The following TRDN variants were observed in gnomAD, a reference collection of about 807,000 sequenced individuals.
TRDN encodes the protein triadin.
Under a neutral mutation model 149.7 loss-of-function variants are expected in TRDN, and 161 were observed. The ratio of observed to expected loss-of-function variants is 1.08; its 90% CI spans 0.95 to 1.23. The LOEUF is 1.23. Among genes scored for constraint, TRDN ranks in the 50% most tolerant of loss-of-function variants. TRDN has a pLI of 0.00. For missense variants in TRDN, 896 were observed against 823.5 expected (o/e 1.09, Z -1.08); for synonymous variants, 294 against 250.5 (o/e 1.17, Z -1.64).
chr6:123,530,091 A>C (rs1214361691), intron 5 of TRDN, among the ~76,000 whole-genome samples: 1 of 151,912 alleles, frequency 6.6e-6, no homozygotes, highest in Admixed American at 6.6e-5. Context: ...GAGGTCATAT[A>C]ATGACTCTGC....
chr6:123,526,875 C>T (rs1779977152), intron 5 of TRDN, among the ~76,000 whole-genome samples: 1 of 151,886 alleles, frequency 6.6e-6, no homozygotes, highest in Non-Finnish European at 1.5e-5. Flanking sequence ...CTGTAAGGGA[C>T]TCTCATCCAG....
chr6:123,338,143 T>C (rs1454956599), intron 21 of TRDN, among the ~76,000 whole-genome samples: 6 of 152,180 alleles, frequency 3.9e-5, no homozygotes, highest in Non-Finnish European at 7.3e-5. Context: ...ATCTATGCTC[T>C]CAAGCACATA....
intron 1 of TRDN, among the ~76,000 whole-genome samples, chr6:123,633,365 A>T (rs887014967): frequency 1.3e-5 from 2 of 152,094 alleles, no homozygotes; most frequent in Non-Finnish European, 2.9e-5. Flanking sequence ...AGTCTCACAC[A>T]GTAAGAAGAC....
At chr6:123,327,128 T>C (rs1779486467) in intron 23 of TRDN, among the ~76,000 whole-genome samples, 2 of 152,042 alleles carry the variant, frequency 1.3e-5, no homozygotes, top group East Asian at 1.9e-4. Context: ...GAGAAACAAG[T>C]GTGGTTTTCC....
chr6:123,392,394 T>C (rs1470024496), intron 13 of TRDN, among the ~76,000 whole-genome samples: 6 of 151,982 alleles, frequency 3.9e-5, no homozygotes, highest in Admixed American at 3.9e-4. Context: ...ACATCTACAC[T>C]ATGGTCCTCA....
At chr6:123,614,309 A>C (rs1428706789) in intron 1 of TRDN, among the ~76,000 whole-genome samples, 25 of 146,662 alleles carry the variant, frequency 1.7e-4, no homozygotes, top group African/African-American at 6.0e-4. Flanking sequence ...ACAAAAAAAA[A>C]AAAAACAAAA....
intron 2 of TRDN, among the ~76,000 whole-genome samples, chr6:123,555,666 C>T (rs1398483106): frequency 6.6e-6 from 1 of 152,132 alleles, no homozygotes; most frequent in East Asian, 1.9e-4. Flanking sequence ...AACCATGTTC[C>T]AAAAATAGAT....
rs1782400411 is a variant in TRDN at position 123,568,438 on chromosome 6, C to T, written c.232+2485G>A. 2.0e-5 allele frequency among the ~76,000 whole-genome samples: 3 copies of T among 152,224 alleles called. No individual in the cohort carries two copies. In the South Asian group the frequency reaches 6.2e-4, roughly 31 times the overall value. On this transcript the variant is annotated intron_variant, in intron 2 of 40. Coordinates refer to ENST00000334268, the MANE Select transcript of TRDN (RefSeq NM_006073.4). ...TGTGTGGGTGGGTCCTCCAAACACA[C>T]ATTTCCCCTCTGCACTGCCCTAATA...
chr6:123,272,842 A>G, intron 29 of TRDN, 122 bp downstream of exon 29: 7 of 750,772 alleles, frequency 9.3e-6, no homozygotes, highest in Non-Finnish European at 1.3e-5. Flanking sequence ...ATGGTCTAGA[A>G]GCTTATGACT....
chr6:123,520,493 T>C (rs1013121684), intron 5 of TRDN, among the ~76,000 whole-genome samples: 2 of 152,130 alleles, frequency 1.3e-5, no homozygotes, highest in Admixed American at 1.3e-4. Context: ...TAAGCCAAAA[T>C]GTGCTGACCG....
intron 37 of TRDN, among the ~76,000 whole-genome samples, chr6:123,253,247 C>G (rs1026002736): frequency 6.6e-6 from 1 of 151,962 alleles, no homozygotes; most frequent in Non-Finnish European, 1.5e-5. Context: ...CTAGAGCAGA[C>G]ATTCTAATTT....
At chr6:123,556,096 A>C (rs898783588) in intron 2 of TRDN, among the ~76,000 whole-genome samples, 1 of 152,202 alleles carries the variant, frequency 6.6e-6, no homozygotes, top group African/African-American at 2.4e-5. Flanking sequence ...AAAATAAATC[A>C]TGAGATGCTT....
At chr6:123,304,547 C>T (rs9482378) in intron 24 of TRDN, among the ~76,000 whole-genome samples, 21,714 of 151,930 alleles carry the variant, frequency 0.14, 1,803 homozygotes, top group African/African-American at 0.22. Context: ...ACACTGCGCC[C>T]GGCTTAATTT....
chr6:123,497,303 AT>A, intron 8 of TRDN, 51 bp from the exon 9 acceptor site: 1 of 1,247,102 alleles, frequency 8.0e-7, no homozygotes, highest in South Asian at 1.6e-5. Flanking sequence ...TCAACACTTC[AT>A]TTTTCTACAG....
intron 24 of TRDN, 85 bp from the exon 25 acceptor site, chr6:123,279,167 G>T: frequency 1.8e-6 from 2 of 1,130,760 alleles, no homozygotes; most frequent in Non-Finnish European, 2.5e-6. Flanking sequence ...TAATATATTT[G>T]AAAATAAAAA....
chr6:123,446,955 T>C (rs1309739880), intron 10 of TRDN, among the ~76,000 whole-genome samples: 1 of 152,160 alleles, frequency 6.6e-6, no homozygotes, highest in Non-Finnish European at 1.5e-5. Flanking sequence ...TATTTGGGAC[T>C]CTGGAAGGCA....
intron 12 of TRDN, among the ~76,000 whole-genome samples, chr6:123,422,543 C>T (rs1773952417): frequency 6.6e-6 from 1 of 151,992 alleles, no homozygotes; most frequent in Non-Finnish European, 1.5e-5. Context: ...CATTGGAATT[C>T]CAAGAAAAGC....
chr6:123,597,330 A>G (rs1784083189), intron 1 of TRDN, among the ~76,000 whole-genome samples: 1 of 152,074 alleles, frequency 6.6e-6, no homozygotes, highest in African/African-American at 2.4e-5. Context: ...ACAGGTGAGG[A>G]GATGCTTTCT....
rs549198485 is a variant in TRDN, at chr6:123,564,943, T to C, written c.232+5980A>G. Among the ~76,000 whole-genome samples, 7 of 152,326 alleles carry C rather than the reference T, an allele frequency of 4.6e-5. No individual in the cohort carries two copies. In the South Asian group the frequency reaches 1.4e-3, roughly 32 times the overall value. ...GGATGAGGATGCTAATGAATGATGA[T>C]CCTTGTTCTTAGGAAGGAAAAGAGT... On this transcript the variant is annotated intron_variant, in intron 2 of 40. Transcript: ENST00000334268.
Sources: gnomAD v4.1 joint callset for allele counts (sites outside exome capture counted in the v4.1 genomes callset) on GRCh38, gnomAD v4.1.1 for gene constraint, MANE v1.5 for transcripts, NCBI Gene and HGNC (gene_info 2026-07-23, HGNC 2026-07-21) for gene names.